Variants in TMA16 observed in about 807,000 individuals in gnomAD.
TMA16 encodes translation machinery-associated protein 16.
Under a neutral mutation model 27.1 loss-of-function variants are expected in TMA16, and 26 were observed. That is an observed-to-expected ratio of 0.96 (90% CI 0.70 to 1.33). The LOEUF is 1.33. Among genes scored for constraint, TMA16 ranks in the 40% most tolerant of loss-of-function variants. The pLI, the probability that TMA16 is intolerant of heterozygous loss-of-function variation, is 0.00. For missense variants in TMA16, 233 were observed against 241.4 expected (o/e 0.97, Z 0.23); for synonymous variants, 71 against 81.9 (o/e 0.87, Z 0.72).
chr4:163,503,322 A>T (rs927449327), intron 1 of TMA16, among the ~76,000 whole-genome samples: 1 of 118,534 alleles, frequency 8.4e-6, no homozygotes, highest in South Asian at 2.5e-4. Flanking sequence ...CTTAAACTTT[A>T]AAAAAAAAAT....
At chr4:163,506,886 T>C (rs1331989559) in intron 1 of TMA16, 147 bp from the exon 2 acceptor site, 1 of 616,396 alleles carries the variant, frequency 1.6e-6, no homozygotes, top group African/African-American at 1.9e-5. Context: ...TGATCCTGGC[T>C]TATCTCCTGA....
Position 163,507,019 on chromosome 4 carries a change from T to G in TMA16, c.4-14T>G. 1 of 1,568,128 alleles carries G rather than the reference T, an allele frequency of 6.4e-7. No homozygotes were observed. Among genetic ancestry groups the G allele is most frequent in the Non-Finnish European group, 8.6e-7 (1 of 1,156,748 alleles). On this transcript the variant is annotated splice_polypyrimidine_tract_variant and intron_variant, in intron 1 of 6. Coordinates refer to ENST00000358572, the MANE Select transcript of TMA16 (RefSeq NM_018352.3). The stretch of plus-strand genomic sequence containing the variant: ...TATCTGACTATATGTGTCATGTGTT[T>G]TCATACATTTTAGCCCAAAGCACCA...
At position 163,519,324 on chromosome 4, in the gene TMA16, T is replaced by C; in HGVS notation, c.432-10T>C. The C allele has an allele frequency of 6.5e-7, 1 of 1,544,378 alleles. No individual in the cohort carries two copies. The highest frequency in any genetic ancestry group is 8.7e-7 in the Non-Finnish European group (1 of 1,152,722). ...ACTCTGCACTCTTTTTTTTTTTTCC[T>C]TTTGTCTAGGGAATGGGACTTTGAT... On this transcript the variant is annotated splice_polypyrimidine_tract_variant and intron_variant, in intron 6 of 6. Transcript: ENST00000358572.
chr4:163,503,214 C>T (rs1298116063), intron 1 of TMA16, among the ~76,000 whole-genome samples: 3 of 152,048 alleles, frequency 2.0e-5, no homozygotes, highest in Admixed American at 1.3e-4. Flanking sequence ...GAAAGTATCC[C>T]TGTTAAGTGA....
intron 4 of TMA16, among the ~76,000 whole-genome samples, chr4:163,514,973 G>A (rs1737852861): frequency 6.6e-6 from 1 of 152,024 alleles, no homozygotes; most frequent in African/African-American, 2.4e-5. Flanking sequence ...AGGGAACCCA[G>A]GAGATGGAGG....
intron 2 of TMA16, among the ~76,000 whole-genome samples, chr4:163,511,645 T>A (rs1399649178): frequency 6.7e-6 from 1 of 149,238 alleles, no homozygotes; most frequent in Non-Finnish European, 1.5e-5. Flanking sequence ...ACTCTGTCTC[T>A]ACAAAAATAA....
At chr4:163,513,989 C>T (rs766024853) in intron 3 of TMA16, 85 bp from the exon 4 acceptor site, 46 of 1,074,604 alleles carry the variant, frequency 4.3e-5, no homozygotes, top group Non-Finnish European at 5.3e-5. Flanking sequence ...GTTTTAAACA[C>T]GTTAATGTTG....
chr4:163,505,222 T>C (rs1474799946), intron 1 of TMA16, among the ~76,000 whole-genome samples: 1 of 152,172 alleles, frequency 6.6e-6, no homozygotes, highest in Non-Finnish European at 1.5e-5. Flanking sequence ...CTAGGTACTT[T>C]AATCTCAAAA....
At chr4:163,497,065 C>G (rs1288534817) in intron 1 of TMA16, among the ~76,000 whole-genome samples, 1 of 152,186 alleles carries the variant, frequency 6.6e-6, no homozygotes, top group Admixed American at 6.5e-5. Flanking sequence ...CCCTCCCTAG[C>G]TAGACTATAT....
At chr4:163,512,532 T>C in intron 2 of TMA16, 1 of 267,946 alleles carries the variant, frequency 3.7e-6, no homozygotes, top group Non-Finnish European at 7.1e-6. Flanking sequence ...AGAACCCATC[T>C]GAATGTTCAC....
rs1270127945 is a variant in TMA16 at position 163,515,405 on chromosome 4, C to CCGT, written c.334_336dup (p.Val112dup). ...GGGAGGCGGCACTGTTCCCGGGAGACCGTCATCAAGCAGACGATGGAGCGG... is the reference window on the plus strand; with the variant it reads ...GGGAGGCGGCACTGTTCCCGGGAGACCGTCGTCATCAAGCAGACGATGGAGCGG... On this transcript the variant is annotated inframe_insertion, in exon 5 of 7. Transcript: ENST00000358572. The CCGT allele has an allele frequency of 6.2e-7, 1 of 1,613,994 alleles. No homozygotes were observed. Among genetic ancestry groups the CCGT allele is most frequent in the South Asian group, 1.1e-5 (1 of 91,068 alleles).
At chr4:163,495,756 A>G (rs1327989778) in intron 1 of TMA16, among the ~76,000 whole-genome samples, 1 of 151,396 alleles carries the variant, frequency 6.6e-6, no homozygotes, top group Admixed American at 6.6e-5. Flanking sequence ...ATTGTATGCC[A>G]TTTTTGTCTT....
chr4:163,505,788 T>C (rs974404195), intron 1 of TMA16, among the ~76,000 whole-genome samples: 1 of 152,202 alleles, frequency 6.6e-6, no homozygotes, highest in Admixed American at 6.5e-5. Flanking sequence ...TAGTGTTTTA[T>C]GAAGACAAGC....
At chr4:163,516,759 TAA>T (rs1464405480) in intron 5 of TMA16, among the ~76,000 whole-genome samples, 1 of 152,194 alleles carries the variant, frequency 6.6e-6, no homozygotes, top group Non-Finnish European at 1.5e-5. Flanking sequence ...TTTTTTAATT[TAA>T]AAAAGTCTTT....
intron 1 of TMA16, among the ~76,000 whole-genome samples, chr4:163,495,379 C>T (rs2110782386): frequency 6.6e-6 from 1 of 152,318 alleles, no homozygotes; most frequent in South Asian, 2.1e-4. Context: ...TTCAGGAATT[C>T]TCGTTTACCC....
intron 1 of TMA16, 144 bp downstream of exon 1, chr4:163,494,948 C>CG: frequency 8.2e-7 from 1 of 1,225,284 alleles, no homozygotes; most frequent in Non-Finnish European, 1.1e-6. Flanking sequence ...GTGCGGGGTG[C>CG]GGGGCGAAGC....
chr4:163,496,683 C>T lies in TMA16; in HGVS notation c.3+1879C>T, dbSNP rs150106401. Among the ~76,000 whole-genome samples the T allele has an allele frequency of 9.5e-3, 1,443 of 152,122 alleles. 23 individuals are homozygous for T. The highest frequency in any genetic ancestry group is 0.067 in the East Asian group (346 of 5,172). On this transcript the variant is annotated intron_variant, in intron 1 of 6. Coordinates refer to ENST00000358572, the MANE Select transcript of TMA16 (RefSeq NM_018352.3). The stretch of plus-strand genomic sequence containing the variant: ...CATGATCGCGGCTCATTGCAACCTC[C>T]GCCTCCTGGATTCAAGTGATTCTCC...
Position 163,519,688 on chromosome 4 carries a change from C to CT in TMA16, c.*178dup. On this transcript the variant is annotated 3_prime_UTR_variant, in exon 7 of 7. Transcript: ENST00000358572. Reference sequence around the variant, plus strand: ...GATACTTATTTTAAAATGAAGATTGCTTTTCATTTCCATTAAGTTGCTAAA... The same window carrying CT: ...GATACTTATTTTAAAATGAAGATTGCTTTTTCATTTCCATTAAGTTGCTAAA... The CT allele has an allele frequency of 1.5e-6, 1 of 648,294 alleles. No homozygotes were observed. The highest frequency in any genetic ancestry group is 2.4e-5 in the South Asian group (1 of 41,226). 40.2% of individuals were successfully genotyped at this position (648,294 alleles called of 1,614,324 possible).
At chr4:163,506,300 CA>C (rs376516450) in intron 1 of TMA16, among the ~76,000 whole-genome samples, 1 of 152,154 alleles carries the variant, frequency 6.6e-6, no homozygotes, top group African/African-American at 2.4e-5. Context: ...CTACTTTTAA[CA>C]ATAAAGAACC....
Sources: gnomAD v4.1 joint callset for allele counts (sites outside exome capture counted in the v4.1 genomes callset) on GRCh38, gnomAD v4.1.1 for gene constraint, MANE v1.5 for transcripts, NCBI Gene and HGNC (gene_info 2026-07-23, HGNC 2026-07-21) for gene names.